TENM3: variants seen among roughly 807,000 people sequenced by gnomAD.
The protein encoded by TENM3 is teneurin transmembrane protein 3, also known as teneurin-3.
In TENM3, 63 loss-of-function variants were observed where a neutral mutation model predicts 255.1. The ratio of observed to expected loss-of-function variants is 0.25; its 90% CI spans 0.20 to 0.30. TENM3 has a LOEUF of 0.30. Ranked by LOEUF, TENM3 falls within the 10% of genes least tolerant of loss-of-function variation. The probability of loss-of-function intolerance (pLI) is 1.00; values close to 1 mark genes in which losing one functional copy is unlikely to be tolerated. For synonymous variants in TENM3, 1,306 were observed against 1,322.3 expected (o/e 0.99, Z 0.27); for missense variants, 2,929 against 3,461.1 (o/e 0.85, Z 3.86).
At chr4:181,510,190 A>T in the TENM3 span, among the ~76,000 whole-genome samples, 2 of 152,174 alleles carry the variant, frequency 1.3e-5, no homozygotes, top group Non-Finnish European at 2.9e-5. Flanking sequence ...GACCATATTT[A>T]TTGGCAGTTA....
At chr4:182,117,515 A>T in the TENM3 span, among the ~76,000 whole-genome samples, 1 of 152,196 alleles carries the variant, frequency 6.6e-6, no homozygotes, top group African/African-American at 2.4e-5. Flanking sequence ...ATTTTTTTGT[A>T]TGTGGATGTC....
chr4:181,681,399 C>G, the TENM3 span, among the ~76,000 whole-genome samples: 5 of 152,176 alleles, frequency 3.3e-5, no homozygotes, highest in East Asian at 1.9e-4. Flanking sequence ...GTTTCTCCCC[C>G]CTGTTCTGAA....
At chr4:182,717,610 A>G (rs1416363099) in intron 13 of TENM3, among the ~76,000 whole-genome samples, 1 of 152,210 alleles carries the variant, frequency 6.6e-6, no homozygotes, top group Non-Finnish European at 1.5e-5. Context: ...ATGGATTACT[A>G]GATTCTTAAA....
chr4:182,255,633 G>A (rs961522738), intron 1 of TENM3, among the ~76,000 whole-genome samples: 7 of 152,142 alleles, frequency 4.6e-5, no homozygotes, highest in Non-Finnish European at 8.8e-5. Context: ...TCCTGGAGAT[G>A]GCAGTGTGTG....
chr4:182,582,621 CAT>C (rs955631407), intron 3 of TENM3, among the ~76,000 whole-genome samples: 2 of 150,754 alleles, frequency 1.3e-5, no homozygotes, highest in African/African-American at 2.4e-5. Flanking sequence ...CAAAAAAAAA[CAT>C]ATAAAATAGA....
the TENM3 span, among the ~76,000 whole-genome samples, chr4:181,462,342 A>G: frequency 6.6e-6 from 1 of 152,050 alleles, no homozygotes; most frequent in African/African-American, 2.4e-5. Flanking sequence ...CCTGCCCTGC[A>G]TGTCAGGCTG....
At chr4:181,891,868 G>C in the TENM3 span, among the ~76,000 whole-genome samples, 2 of 152,132 alleles carry the variant, frequency 1.3e-5, no homozygotes, top group African/African-American at 4.8e-5. Context: ...ATGGCGGAAA[G>C]GGGAGAGGTT....
At chr4:182,089,242 A>T in the TENM3 span, among the ~76,000 whole-genome samples, 1 of 152,160 alleles carries the variant, frequency 6.6e-6, no homozygotes, top group African/African-American at 2.4e-5. Context: ...CATTTTACAA[A>T]CAGGTAATCT....
chr4:182,426,757 T>G (rs1771255751), intron 3 of TENM3, among the ~76,000 whole-genome samples: 1 of 152,178 alleles, frequency 6.6e-6, no homozygotes, highest in Non-Finnish European at 1.5e-5. Flanking sequence ...GATTTTTAAA[T>G]TTGATGTGAT....
chr4:182,188,291 C>A (rs1033933136), intron 1 of TENM3, among the ~76,000 whole-genome samples: 8 of 152,070 alleles, frequency 5.3e-5, no homozygotes, highest in Non-Finnish European at 1.2e-4. Context: ...ACTCAATAGA[C>A]CTCAGTTTCC....
At chr4:182,419,374 G>A (rs1036605620) in intron 3 of TENM3, among the ~76,000 whole-genome samples, 8 of 152,142 alleles carry the variant, frequency 5.3e-5, no homozygotes, top group Non-Finnish European at 1.2e-4. Context: ...GAAACAACAG[G>A]TGCTGGAGAG....
chr4:181,606,619 G>C, the TENM3 span, among the ~76,000 whole-genome samples: 6 of 152,198 alleles, frequency 3.9e-5, no homozygotes, highest in African/African-American at 1.4e-4. Flanking sequence ...GCAGGTACTA[G>C]AGCCTGATTC....
At chr4:181,502,345 G>A in the TENM3 span, among the ~76,000 whole-genome samples, 7 of 152,188 alleles carry the variant, frequency 4.6e-5, no homozygotes, top group Non-Finnish European at 7.3e-5. Context: ...GATGGCTGGG[G>A]ATGCTGTGGG....
At chr4:182,608,772 C>G (rs983342575) in intron 4 of TENM3, among the ~76,000 whole-genome samples, 3 of 152,238 alleles carry the variant, frequency 2.0e-5, no homozygotes, top group Admixed American at 1.3e-4. Context: ...GGGAGGTCCC[C>G]AAGCCAGGCC....
Position 182,673,047 on chromosome 4 carries a change from C to A in TENM3, c.1154C>A (p.Ser385Tyr). Residue 385 changes from serine (S) to tyrosine (Y), a missense_variant, in exon 7 of 28, where the codon TCC becomes TAC. Around this residue, in one of 6 missense-constraint regions of TENM3, gnomAD observed 1,608 missense variants for 1,884.4 expected, o/e 0.85. Coordinates refer to ENST00000511685, the MANE Select transcript of TENM3 (RefSeq NM_001080477.4). The stretch of plus-strand genomic sequence containing the variant: ...ACGCAAGAAAATAACACCATAGATT[C>A]CGGAGAACTTGATATTGGCCGAAGA... ...GFTQENNTID[S>Y]GELDIGRRAI... 1 of 1,604,966 alleles carries A rather than the reference C, an allele frequency of 6.2e-7. No individual in the cohort carries two copies.
intron 1 of TENM3, among the ~76,000 whole-genome samples, chr4:182,247,785 A>G (rs1444441429): frequency 1.3e-5 from 2 of 152,198 alleles, no homozygotes; most frequent in Non-Finnish European, 2.9e-5. Flanking sequence ...TAAAAGCAGA[A>G]TTATTTTCAA....
chr4:182,260,063 G>A (rs151323928), intron 1 of TENM3, among the ~76,000 whole-genome samples: 2,180 of 152,186 alleles, frequency 0.014, 21 homozygotes, highest in South Asian at 0.037. Flanking sequence ...GCAAATGACC[G>A]GATTTCACTA....
chr4:182,548,378 G>T (rs1029666782), intron 3 of TENM3, among the ~76,000 whole-genome samples: 12 of 152,196 alleles, frequency 7.9e-5, no homozygotes, highest in African/African-American at 2.6e-4. Flanking sequence ...GTAAACACAC[G>T]GTTTTAGGAA....
chr4:181,949,501 C>T, the TENM3 span, among the ~76,000 whole-genome samples: 1 of 152,182 alleles, frequency 6.6e-6, no homozygotes, highest in Non-Finnish European at 1.5e-5. Flanking sequence ...TCCTCAAAAT[C>T]AATTTGAAAT....
Sources: gnomAD v4.1 joint callset for allele counts (sites outside exome capture counted in the v4.1 genomes callset) on GRCh38, gnomAD v4.1.1 for gene constraint, gnomAD v4.1.1 regional missense constraint, MANE v1.5 for transcripts, NCBI Gene and HGNC (gene_info 2026-07-23, HGNC 2026-07-21) for gene names.